The following TBC1D23 variants were observed in gnomAD, a reference collection of about 807,000 sequenced individuals.
TBC1D23 encodes the protein HCV non-structural protein 4A-transactivated protein 1.
In TBC1D23, 55 loss-of-function variants were observed where a neutral mutation model predicts 91.4. The ratio of observed to expected loss-of-function variants is 0.60; its 90% CI spans 0.48 to 0.75. The LOEUF (loss-of-function observed/expected upper bound fraction) is 0.75. TBC1D23 is among the 30% of genes least tolerant of loss of function. The pLI is 0.00. For missense variants in TBC1D23, 725 were observed against 836.1 expected (o/e 0.87, Z 1.64); for synonymous variants, 289 against 281.0 (o/e 1.03, Z -0.28).
At chr3:100,286,551 G>A (rs2067743876) in intron 4 of TBC1D23, among the ~76,000 whole-genome samples, 1 of 151,476 alleles carries the variant, frequency 6.6e-6, no homozygotes, top group Admixed American at 6.6e-5. Context: ...AAGCTGGAGT[G>A]CAGTGGCACA....
intron 7 of TBC1D23, among the ~76,000 whole-genome samples, chr3:100,295,782 T>C (rs972525167): frequency 6.6e-6 from 1 of 152,246 alleles, no homozygotes; most frequent in East Asian, 1.9e-4. Flanking sequence ...TCTATCTGTA[T>C]AACAATGTTT....
At chr3:100,265,255 T>A (rs2067548822) in intron 1 of TBC1D23, among the ~76,000 whole-genome samples, 1 of 152,218 alleles carries the variant, frequency 6.6e-6, no homozygotes, top group Non-Finnish European at 1.5e-5. Flanking sequence ...TAAGCTGTCA[T>A]TTCATATAAA....
At chr3:100,288,491 C>T (rs1394420503) in intron 4 of TBC1D23, among the ~76,000 whole-genome samples, 2 of 152,098 alleles carry the variant, frequency 1.3e-5, no homozygotes, top group African/African-American at 4.8e-5. Context: ...CAGTGAGCTA[C>T]CTGACTTTAG....
chr3:100,296,029 C>T (rs774825275), intron 7 of TBC1D23, 143 bp from the exon 8 acceptor site: 19 of 453,966 alleles, frequency 4.2e-5, no homozygotes, highest in Admixed American at 2.0e-4. Flanking sequence ...TGGAGAAATC[C>T]ACTTTTCCAC....
intron 5 of TBC1D23, 144 bp downstream of exon 5, chr3:100,290,845 C>A: frequency 1.5e-5 from 9 of 584,502 alleles, no homozygotes; most frequent in Non-Finnish European, 2.4e-5. Context: ...AAATTATTGG[C>A]ATTTCAAAAT....
intron 1 of TBC1D23, among the ~76,000 whole-genome samples, chr3:100,269,146 T>C (rs1267657296): frequency 6.6e-6 from 1 of 152,186 alleles, no homozygotes; most frequent in Non-Finnish European, 1.5e-5. Context: ...TCTAGCCCTT[T>C]TGCCTATTGC....
At chr3:100,281,715 T>A in intron 2 of TBC1D23, 27 bp from the exon 3 acceptor site, 1 of 1,408,130 alleles carries the variant, frequency 7.1e-7, no homozygotes, top group Non-Finnish European at 1.0e-6. Context: ...CATATGAAGC[T>A]AGTCACTTTT....
chr3:100,311,259 C>G (rs1705619460), intron 14 of TBC1D23, among the ~76,000 whole-genome samples: 1 of 152,092 alleles, frequency 6.6e-6, no homozygotes, highest in Non-Finnish European at 1.5e-5. Context: ...CTTGCAGTAT[C>G]CTGGGAAAAC....
intron 18 of TBC1D23, among the ~76,000 whole-genome samples, chr3:100,321,681 G>C (rs1171164050): frequency 6.6e-6 from 1 of 152,128 alleles, no homozygotes; most frequent in East Asian, 1.9e-4. Context: ...GTAAGCTTAA[G>C]GTTATATCGC....
chr3:100,272,535 G>A (rs1355102782), intron 1 of TBC1D23, among the ~76,000 whole-genome samples: 2 of 152,070 alleles, frequency 1.3e-5, no homozygotes, highest in Non-Finnish European at 2.9e-5. Context: ...GGTGTTTCTC[G>A]TTAGGTGGAA....
intron 7 of TBC1D23, 138 bp downstream of exon 7, chr3:100,295,486 C>G: frequency 1.5e-6 from 1 of 653,984 alleles, no homozygotes; most frequent in Non-Finnish European, 2.6e-6. Context: ...TATATAAACA[C>G]TCTCCAGGTA....
intron 1 of TBC1D23, among the ~76,000 whole-genome samples, chr3:100,271,400 C>G (rs2067598127): frequency 1.3e-5 from 2 of 152,016 alleles, no homozygotes; most frequent in African/African-American, 2.4e-5. Flanking sequence ...CATGTTTTCT[C>G]AGAAGAAAGA....
At chr3:100,290,437 G>A (rs576689949) in intron 4 of TBC1D23, 141 bp from the exon 5 acceptor site, 2 of 718,600 alleles carry the variant, frequency 2.8e-6, no homozygotes, top group Non-Finnish European at 2.4e-6. Context: ...ATTGAAAAAG[G>A]TATTAGCAAG....
chr3:100,286,501 C>CTTTTTTTTTTTTTTT (rs11370481), intron 4 of TBC1D23, among the ~76,000 whole-genome samples: 313 of 146,298 alleles, frequency 2.1e-3, no homozygotes, highest in Non-Finnish European at 2.8e-3. Context: ...AACATATCTT[C>CTTTTTTTTTTTTTTT]TTTTTTTTTT....
At chr3:100,304,046 T>C (rs1344422039) in intron 11 of TBC1D23, among the ~76,000 whole-genome samples, 1 of 152,206 alleles carries the variant, frequency 6.6e-6, no homozygotes, top group Admixed American at 6.5e-5. Flanking sequence ...GTTTCCCTGA[T>C]TTTCCTAAGA....
rs551745281 is a variant in TBC1D23, at chr3:100,283,556, A to G, written c.272-51A>G. ...TTGTAAACAAGTGTTATGTCCAATAACAGCCCCTGACAGGCCCTCAGTAAC... is the reference window on the plus strand; with the variant it reads ...TTGTAAACAAGTGTTATGTCCAATAGCAGCCCCTGACAGGCCCTCAGTAAC... On this transcript the variant is annotated intron_variant, in intron 3 of 18. Transcript: ENST00000394144. 54 of 1,244,918 alleles carry G rather than the reference A, an allele frequency of 4.3e-5. 1 individual carries two copies. In the South Asian group the frequency reaches 6.2e-4, roughly 14 times the overall value. The allele number at this position is 1,244,918 out of a possible 1,614,324, so 77.1% of individuals were successfully genotyped here. A position where few individuals can be genotyped will look rare whatever the true frequency, so the allele number is the denominator to read the frequency against.
At chr3:100,293,552 T>C (rs907975428) in intron 5 of TBC1D23, among the ~76,000 whole-genome samples, 1 of 152,230 alleles carries the variant, frequency 6.6e-6, no homozygotes, top group East Asian at 1.9e-4. Context: ...GTGGTAACTT[T>C]CGTTGAGCTA....
Position 100,316,101 on chromosome 3 carries a change from A to G in TBC1D23, c.1601A>G (p.His534Arg), listed in dbSNP as rs1038090035. Residue 534 changes from histidine to arginine, a missense_variant and splice_region_variant, in exon 16 of 19, where the codon CAT (histidine) becomes CGT (arginine). Coordinates refer to ENST00000394144, the MANE Select transcript of TBC1D23 (RefSeq NM_001199198.3). ...CTCCTAAAATTCTTTGAATATAGGC[A>G]TGTGAGCAGCAGTGACAGAGTGGGC... ...PWPDRSCTER[H>R]VSSSDRVGKP... The G allele has an allele frequency of 4.3e-6, 7 of 1,612,172 alleles. No homozygotes were observed. The African/African-American group carries it at 8.0e-5, about 18-fold the overall frequency.
intron 1 of TBC1D23, among the ~76,000 whole-genome samples, chr3:100,263,202 G>A (rs889312539): frequency 6.6e-6 from 1 of 152,246 alleles, no homozygotes; most frequent in Non-Finnish European, 1.5e-5. Context: ...GGCAGAGTGG[G>A]TGTCCCAAGG....
Sources: gnomAD v4.1 joint callset for allele counts (sites outside exome capture counted in the v4.1 genomes callset) on GRCh38, gnomAD v4.1.1 for gene constraint, MANE v1.5 for transcripts, NCBI Gene and HGNC (gene_info 2026-07-23, HGNC 2026-07-21) for gene names.